Variants in KIAA1217 observed in about 807,000 individuals in gnomAD.
KIAA1217 encodes KIAA1217.
KIAA1217 carries 88 observed loss-of-function variants against 163.9 expected under a neutral mutation model. The observed-to-expected ratio is 0.54, with a 90% CI of 0.45 to 0.64. KIAA1217 has a LOEUF of 0.64. Among genes scored for constraint, KIAA1217 ranks in the 30% least tolerant of loss-of-function variants. The pLI is 0.00. For missense variants in KIAA1217, 2,372 were observed against 2,475.0 expected, an observed-to-expected ratio of 0.96 and a Z score of 0.88; for synonymous variants, 903 against 923.1, an observed-to-expected ratio of 0.98 and a Z score of 0.39.
At chr10:24,535,245 G>A (rs1177182478) in intron 16 of KIAA1217, among the ~76,000 whole-genome samples, 2 of 152,158 alleles carry the variant, frequency 1.3e-5, no homozygotes, top group East Asian at 3.9e-4. Flanking sequence ...AGCTAGGACT[G>A]GTATGACTAA....
At position 23,992,167 on chromosome 10, in the gene KIAA1217, T is replaced by C. The variant is rs186464148; in HGVS notation, c.-320-15058T>C. Among the ~76,000 whole-genome samples, 216 of 152,302 alleles carry C rather than the reference T, an allele frequency of 1.4e-3. 2 individuals are homozygous for C. The highest frequency in any genetic ancestry group is 0.012 in the Admixed American group (176 of 15,302). ...AGAGTGCTTTGGATTTTGCTACCCA[T>C]GTAGATTTATAAGTTTTCTTTTTAT... On this transcript the variant is annotated intron_variant, in intron 1 of 18. Coordinates refer to the KIAA1217 transcript ENST00000376462.
chr10:24,457,340 T>C (rs2061896364), intron 5 of KIAA1217, among the ~76,000 whole-genome samples: 1 of 132,654 alleles, frequency 7.5e-6, no homozygotes, highest in Non-Finnish European at 1.7e-5. Context: ...GTTTGTTTTT[T>C]GTTTTGTGTG....
chr10:23,917,461 C>T (rs1329035465), intron 1 of KIAA1217, among the ~76,000 whole-genome samples: 1 of 152,130 alleles, frequency 6.6e-6, no homozygotes, highest in Non-Finnish European at 1.5e-5. Flanking sequence ...GAAAAGAGGG[C>T]AGTGGAAGAA....
At chr10:23,741,797 G>A (rs780137629) in intron 1 of KIAA1217, among the ~76,000 whole-genome samples, 8 of 152,168 alleles carry the variant, frequency 5.3e-5, no homozygotes, top group African/African-American at 1.9e-4. Flanking sequence ...ATAGGGGCTA[G>A]GGATATAGGC....
At chr10:23,925,011 C>T (rs1277474520) in intron 1 of KIAA1217, among the ~76,000 whole-genome samples, 1 of 151,890 alleles carries the variant, frequency 6.6e-6, no homozygotes, top group Non-Finnish European at 1.5e-5. Flanking sequence ...GAAACTTGGC[C>T]TGTTTTTCCC....
At chr10:24,404,138 T>C (rs1261362487) in intron 3 of KIAA1217, among the ~76,000 whole-genome samples, 1 of 152,122 alleles carries the variant, frequency 6.6e-6, no homozygotes, top group African/African-American at 2.4e-5. Flanking sequence ...TTTGTATTTA[T>C]TTTAGACACA....
intron 1 of KIAA1217, among the ~76,000 whole-genome samples, chr10:23,749,550 G>T (rs1239849122): frequency 6.6e-6 from 1 of 152,166 alleles, no homozygotes; most frequent in Non-Finnish European, 1.5e-5. Flanking sequence ...TGGGACTACA[G>T]GCATGCACTA....
In KIAA1217 at chr10:24,494,525, C is replaced by T; in HGVS notation, c.1705C>T (p.Gln569Ter). ...AGAGAGGATGCAAGCCATGGAGAAA[C>T]AGATTGCCAGTTTAACTGGCCTTGT... is the stretch of plus-strand genomic sequence containing the variant. Reference protein sequence around the residue: ...TRERMQAMEKQIASLTGLVQS... With the variant: ...TRERMQAMEK The change falls in exon 7 of 21, where the codon CAG becomes TAG. Residue 569 changes from glutamine to a stop codon, truncating the protein, a stop_gained. Transcript: ENST00000376454. LOFTEE classifies it high-confidence loss of function. 1 of 1,613,766 alleles carries T rather than the reference C, an allele frequency of 6.2e-7. No homozygotes were observed. The highest frequency in any genetic ancestry group is 8.5e-7 in the Non-Finnish European group (1 of 1,179,802).
At chr10:24,109,239 G>A (rs12255309) in intron 2 of KIAA1217, among the ~76,000 whole-genome samples, 2 of 152,156 alleles carry the variant, frequency 1.3e-5, no homozygotes, top group Admixed American at 6.6e-5. Flanking sequence ...GATGCCACTA[G>A]GGGTGCTTAC....
At chr10:23,844,166 C>A (rs1371890731) in intron 1 of KIAA1217, among the ~76,000 whole-genome samples, 1 of 152,144 alleles carries the variant, frequency 6.6e-6, no homozygotes, top group Non-Finnish European at 1.5e-5. Flanking sequence ...GTTACAATTT[C>A]TTGAGCCTTC....
chr10:24,111,060 TG>T (rs2062826142), intron 2 of KIAA1217, among the ~76,000 whole-genome samples: 1 of 152,246 alleles, frequency 6.6e-6, no homozygotes, highest in African/African-American at 2.4e-5. Context: ...TTGTGTGGTT[TG>T]TTTATACCAG....
At chr10:24,123,475 T>C (rs1226397974) in intron 2 of KIAA1217, among the ~76,000 whole-genome samples, 4 of 152,184 alleles carry the variant, frequency 2.6e-5, no homozygotes, top group Non-Finnish European at 5.9e-5. Flanking sequence ...ACGTCTTTTA[T>C]GTATGTGCTA....
intron 2 of KIAA1217, among the ~76,000 whole-genome samples, chr10:24,375,548 C>T (rs1373157149): frequency 6.6e-6 from 1 of 152,226 alleles, no homozygotes; most frequent in Non-Finnish European, 1.5e-5. Flanking sequence ...AGAATGTTCT[C>T]TTCAACTGAA....
chr10:24,373,870 G>C (rs192815078), intron 2 of KIAA1217, among the ~76,000 whole-genome samples: 1 of 152,314 alleles, frequency 6.6e-6, no homozygotes, highest in Non-Finnish European at 1.5e-5. Context: ...TGGGCAGCGG[G>C]TAATGGGTAT....
intron 1 of KIAA1217, among the ~76,000 whole-genome samples, chr10:23,983,389 G>A (rs1271621153): frequency 6.6e-6 from 1 of 152,154 alleles, no homozygotes; most frequent in Admixed American, 6.5e-5. Context: ...GGCTATACAG[G>A]AACCATAGTG....
At chr10:23,861,195 G>C (rs888875931) in intron 1 of KIAA1217, among the ~76,000 whole-genome samples, 1 of 152,132 alleles carries the variant, frequency 6.6e-6, no homozygotes, top group Non-Finnish European at 1.5e-5. Context: ...TTACAGGTGT[G>C]AGCCACTGTG....
chr10:23,830,482 T>A (rs1395389815), intron 1 of KIAA1217, among the ~76,000 whole-genome samples: 1 of 152,096 alleles, frequency 6.6e-6, no homozygotes, highest in Non-Finnish European at 1.5e-5. Flanking sequence ...CAGTCTAGGG[T>A]TTTGCTTTTA....
At chr10:24,370,634 G>C (rs2051499981) in intron 2 of KIAA1217, among the ~76,000 whole-genome samples, 1 of 152,166 alleles carries the variant, frequency 6.6e-6, no homozygotes. Context: ...CTGGAGTACA[G>C]TGGCATGATC....
intron 2 of KIAA1217, among the ~76,000 whole-genome samples, chr10:24,027,994 GTAA>G (rs1161986231): frequency 6.6e-6 from 1 of 152,100 alleles, no homozygotes; most frequent in Non-Finnish European, 1.5e-5. Flanking sequence ...ACTTTGCAAG[GTAA>G]TGATGAGGAA....
Sources: gnomAD v4.1 joint callset for allele counts (sites outside exome capture counted in the v4.1 genomes callset) on GRCh38, gnomAD v4.1.1 for gene constraint, MANE v1.5 for transcripts, NCBI Gene and HGNC (gene_info 2026-07-23, HGNC 2026-07-21) for gene names.